RFX4: variants seen among roughly 807,000 people sequenced by gnomAD.
The protein encoded by RFX4 is transcription factor RFX4.
RFX4 carries 10 observed loss-of-function variants against 95.0 expected under a neutral mutation model. The ratio of observed to expected loss-of-function variants is 0.11; its 90% confidence interval spans 0.06 to 0.18. The LOEUF is 0.18. Ranked by LOEUF, RFX4 falls within the 10% of genes least tolerant of loss-of-function variation. The pLI, the probability that RFX4 is intolerant of heterozygous loss-of-function variation, is 1.00. For synonymous variants in RFX4, 321 were observed against 340.7 expected (o/e 0.94, Z 0.64); for missense variants, 640 against 922.0 (o/e 0.69, Z 3.96).
chr12:106,712,418 C>T (rs1686939040), intron 10 of RFX4, among the ~76,000 whole-genome samples: 1 of 152,130 alleles, frequency 6.6e-6, no homozygotes, highest in African/African-American at 2.4e-5. Context: ...CACACTTGGC[C>T]CACCTCACTC....
At chr12:106,632,262 G>T (rs889617170) in intron 2 of RFX4, among the ~76,000 whole-genome samples, 1 of 152,090 alleles carries the variant, frequency 6.6e-6, no homozygotes, top group African/African-American at 2.4e-5. Flanking sequence ...AAGACCAGGC[G>T]CTGGGGCAGC....
intron 17 of RFX4, among the ~76,000 whole-genome samples, chr12:106,753,821 G>GTGC (rs2043058451): frequency 6.6e-6 from 1 of 152,214 alleles, no homozygotes; most frequent in Non-Finnish European, 1.5e-5. Flanking sequence ...ATAGTATGGT[G>GTGC]TGCTGAGCAC....
intron 8 of RFX4, among the ~76,000 whole-genome samples, chr12:106,699,098 T>C (rs915790833): frequency 1.1e-4 from 17 of 152,160 alleles, no homozygotes; most frequent in African/African-American, 3.4e-4. Context: ...GATTTTGATA[T>C]GTTGGATTTT....
chr12:106,725,226 T>C (rs939051603), intron 13 of RFX4, among the ~76,000 whole-genome samples: 20 of 152,160 alleles, frequency 1.3e-4, no homozygotes, highest in African/African-American at 4.3e-4. Flanking sequence ...GCTTTTATGA[T>C]CCCTTCTTAG....
intron 5 of RFX4, 55 bp downstream of exon 5, chr12:106,682,109 C>T (rs2041527184): frequency 6.4e-7 from 1 of 1,559,696 alleles, no homozygotes; most frequent in Non-Finnish European, 8.8e-7. Context: ...GGCCTCGAGA[C>T]AGGCCACACC....
chr12:106,761,215 A>C lies in RFX4; in HGVS notation c.1954A>C (p.Thr652Pro). The change falls in exon 18 of 18, where the codon ACT (threonine) becomes CCT (proline). Residue 652 changes from threonine (T) to proline (P), a missense_variant. Thr to Pro is a conservative substitution (Grantham distance 38, BLOSUM62 -1). Transcript: ENST00000392842. ...SSAQYPFNSP[T>P]SRMEPCLMSS... ...CAACAAGTACCCTTTTAATAGCCCCACTTCCCGGATGGAACCTTGTTTGAT... is the reference window on the plus strand; with the variant it reads ...CAACAAGTACCCTTTTAATAGCCCCCCTTCCCGGATGGAACCTTGTTTGAT... 1.2e-6 allele frequency: 2 copies of C among 1,612,618 alleles called. No homozygotes were observed. Among genetic ancestry groups the C allele is most frequent in the Non-Finnish European group, 1.7e-6 (2 of 1,178,866 alleles).
chr12:106,699,803 T>C (rs547294687), intron 8 of RFX4, among the ~76,000 whole-genome samples: 1 of 152,138 alleles, frequency 6.6e-6, no homozygotes, highest in Non-Finnish European at 1.5e-5. Flanking sequence ...CATAGAAACA[T>C]AGAGGGAGGT....
chr12:106,699,924 A>G (rs943521850), intron 8 of RFX4, among the ~76,000 whole-genome samples: 6 of 151,312 alleles, frequency 4.0e-5, no homozygotes, highest in Admixed American at 3.3e-4. Flanking sequence ...CCCTCTTCCT[A>G]GTTGTTTTCT....
At chr12:106,590,588 G>C (rs958183123) in intron 1 of RFX4, among the ~76,000 whole-genome samples, 1 of 152,216 alleles carries the variant, frequency 6.6e-6, no homozygotes, top group African/African-American at 2.4e-5. Context: ...CAGAATGCAA[G>C]TAGGAGACCT....
At chr12:106,640,232 G>C (rs575756896) in intron 3 of RFX4, among the ~76,000 whole-genome samples, 1 of 152,326 alleles carries the variant, frequency 6.6e-6, no homozygotes, top group East Asian at 1.9e-4. Flanking sequence ...CCATTTGCCT[G>C]AATAGCCACA....
intron 5 of RFX4, chr12:106,682,956 G>A (rs965057954): frequency 2.0e-5 from 3 of 152,196 alleles, no homozygotes; most frequent in African/African-American, 7.2e-5. Flanking sequence ...TTAACACTAA[G>A]TTTAAACAGT....
chr12:106,750,602 C>A, intron 16 of RFX4, 53 bp from the exon 17 acceptor site: 1 of 1,364,498 alleles, frequency 7.3e-7, no homozygotes, highest in Non-Finnish European at 9.5e-7. Context: ...AGGTGTCAAA[C>A]TGATCTGTTC....
intron 1 of RFX4, among the ~76,000 whole-genome samples, chr12:106,587,987 AT>A (rs2039487092): frequency 6.6e-6 from 1 of 152,160 alleles, no homozygotes; most frequent in South Asian, 2.1e-4. Flanking sequence ...GCTTTCCAAG[AT>A]TATTTTTAAT....
chr12:106,667,626 TC>T (rs1240187846), intron 4 of RFX4, among the ~76,000 whole-genome samples: 1 of 152,164 alleles, frequency 6.6e-6, no homozygotes, highest in African/African-American at 2.4e-5. Flanking sequence ...CAGTACTGGG[TC>T]CTGAGGCAGT....
chr12:106,721,948 A>G (rs1004832650), intron 13 of RFX4, among the ~76,000 whole-genome samples: 1 of 152,228 alleles, frequency 6.6e-6, no homozygotes, highest in African/African-American at 2.4e-5. Context: ...TGTCCATGAA[A>G]GACTGTGTTT....
At chr12:106,610,215 G>A (rs1319609949) in intron 2 of RFX4, among the ~76,000 whole-genome samples, 1 of 141,264 alleles carries the variant, frequency 7.1e-6, no homozygotes, top group Non-Finnish European at 1.5e-5. Context: ...TCCAGCCTGG[G>A]CAACAGAGTG....
At chr12:106,696,034 G>A (rs2041871855) in intron 7 of RFX4, among the ~76,000 whole-genome samples, 1 of 152,222 alleles carries the variant, frequency 6.6e-6, no homozygotes, top group African/African-American at 2.4e-5. Flanking sequence ...TGGGGCAGAG[G>A]AGACCCCAGC....
At position 106,720,700 on chromosome 12, in the gene RFX4, A is replaced by T; in HGVS notation, c.1234-59A>T. 2 of 1,517,144 alleles carry T rather than the reference A, an allele frequency of 1.3e-6. No homozygotes were observed. The highest frequency in any genetic ancestry group is 1.1e-5 in the South Asian group (1 of 89,090). 94.0% of individuals were successfully genotyped at this position (1,517,144 alleles called of 1,614,324 possible). The stretch of plus-strand genomic sequence containing the variant: ...CTTCAACCGGCCTCATTTTTCAAAG[A>T]GACAGTAATAAATGAAAGGTCAAGT... On this transcript the variant is annotated intron_variant, in intron 12 of 17. Coordinates refer to ENST00000392842, the MANE Select transcript of RFX4 (RefSeq NM_213594.3). The surrounding 1 kb of genome is among the most constrained non-coding windows in gnomAD (Gnocchi z 4.2).
Position 106,733,032 on chromosome 12 carries a change from C to A in RFX4, c.1580C>A (p.Pro527His). The A allele has an allele frequency of 6.2e-7, 1 of 1,614,176 alleles. No homozygotes were observed. The highest frequency in any genetic ancestry group is 8.5e-7 in the Non-Finnish European group (1 of 1,180,034). ...GCCACATCTGTGGAAGTGCCACCTC[C>A]CTCTTCCCCTGTTAGCAATCCTTCC... ...KSATSVEVPPPSSPVSNPSPE... is the reference protein window; with the variant it reads ...KSATSVEVPPHSSPVSNPSPE... The change falls in exon 15 of 18, where the codon CCC (proline) becomes CAC (histidine). Residue 527 changes from proline to histidine, a missense_variant. Pro to His is a moderately conservative substitution (Grantham distance 77, BLOSUM62 -2). Around this residue, in one of 7 missense-constraint regions of RFX4, gnomAD observed 300 missense variants for 346.8 expected, o/e 0.87. Transcript: ENST00000392842.
Sources: allele counts gnomAD v4.1 joint callset (sites outside exome capture counted in the v4.1 genomes callset), GRCh38; gene constraint gnomAD v4.1.1; regional missense constraint gnomAD v4.1.1; non-coding constraint Gnocchi (gnomAD v3.1); transcripts MANE v1.5; gene names NCBI Gene and HGNC (gene_info 2026-07-23, HGNC 2026-07-21).